Variants in BTK observed in about 807,000 individuals in gnomAD.
The protein encoded by BTK is Bruton tyrosine kinase, also known as tyrosine-protein kinase BTK.
In BTK, 5 loss-of-function variants were observed where a neutral mutation model predicts 57.4. The observed-to-expected ratio is 0.09, with a 90% CI of 0.05 to 0.18. The LOEUF (loss-of-function observed/expected upper bound fraction) is 0.18. Ranked by LOEUF, BTK falls within the 10% of genes least tolerant of loss-of-function variation. The pLI is 1.00. For missense variants in BTK, 194 were observed against 501.2 expected, an observed-to-expected ratio of 0.39 and a Z score of 5.85; for synonymous variants, 154 against 174.3, an observed-to-expected ratio of 0.88 and a Z score of 0.92.
chrX:101,352,762 G>A (rs2057241944), intron 18 of BTK, among the ~76,000 whole-genome samples: 1 of 111,011 alleles, frequency 9.0e-6, no homozygotes, highest in Non-Finnish European at 1.9e-5. Context: ...AGCTGGGCAC[G>A]GTGGCATGTG....
rs1927163723 is a variant in BTK, at chrX:101,375,088, T to A, written c.141+56A>T. On this transcript the variant is annotated intron_variant, in intron 2 of 18. Transcript: ENST00000308731. ...AAATTTACCTCTTCCCCAAGAAAGA[T>A]CTAAGGCCAAGTCCTTGATATCTTG... 2.5e-6 allele frequency: 3 copies of A among 1,202,805 alleles called. No homozygotes were observed. The Admixed American group carries it at 6.5e-5, about 26-fold the overall frequency.
intron 12 of BTK, 116 bp downstream of exon 12, chrX:101,358,194 T>G (rs782343589): frequency 9.1e-5 from 99 of 1,086,912 alleles, no homozygotes; most frequent in Non-Finnish European, 1.2e-4. Context: ...CACAGGGATT[T>G]CCTTTCACAG....
intron 13 of BTK, 118 bp from the exon 14 acceptor site, chrX:101,357,073 T>A: frequency 2.6e-6 from 2 of 765,283 alleles, no homozygotes; most frequent in Non-Finnish European, 4.0e-6. Context: ...TTTTTAGAAG[T>A]ACTAATCTGT....
At position 101,360,619 on chromosome X, in the gene BTK, A is replaced by C; in HGVS notation, c.725T>G (p.Phe242Cys). Reference sequence around the variant, plus strand: ...TGGTAAGTTGCTTTCCTCCAAGATAAAATATTCATCACCCTTCCGCAGCTG... The same window carrying C: ...TGGTAAGTTGCTTTCCTCCAAGATACAATATTCATCACCCTTCCGCAGCTG... ...DLQLRKGDEY[F>C]ILEESNLPWW... is the part of the protein sequence containing the mutation. The change falls in exon 8 of 19, where the codon TTT becomes TGT. Residue 242 changes from phenylalanine (F) to cysteine (C), a missense_variant. Phe to Cys is a radical substitution (Grantham distance 205). Transcript: ENST00000308731. 1 of 1,211,574 alleles carries C rather than the reference A, an allele frequency of 8.3e-7. No individual in the cohort carries two copies. The highest frequency in any genetic ancestry group is 1.1e-6 in the Non-Finnish European group (1 of 895,461).
chrX:101,371,851 G>A, intron 3 of BTK, 150 bp from the exon 4 acceptor site: 1 of 501,614 alleles, frequency 2.0e-6, no homozygotes, highest in Non-Finnish European at 3.5e-6. Flanking sequence ...TAGGCCAATA[G>A]GGACACATAT....
At chrX:101,390,062 C>G (rs1248606943), upstream of BTK, among the ~76,000 whole-genome samples, 1 of 112,013 alleles carries the variant, frequency 8.9e-6, no homozygotes, top group African/African-American at 3.2e-5. Context: ...CCTAGATTCA[C>G]TAAATACCGT....
chrX:101,388,414 G>T (rs1286594604), upstream of BTK, among the ~76,000 whole-genome samples: 3 of 112,168 alleles, frequency 2.7e-5, no homozygotes, highest in African/African-American at 9.7e-5. Flanking sequence ...ACAGCTGAGT[G>T]TCACCTGAAG....
At chrX:101,357,657 C>G (rs1339425521) in intron 12 of BTK, 74 bp from the exon 13 acceptor site, 1 of 818,421 alleles carries the variant, frequency 1.2e-6, no homozygotes, top group Admixed American at 2.2e-5. Context: ...TCACTTAAAG[C>G]CTCACACTTC....
At chrX:101,353,431 A>G in intron 17 of BTK, 80 bp from the exon 18 acceptor site, 1 of 1,022,344 alleles carries the variant, frequency 9.8e-7, no homozygotes, top group Non-Finnish European at 1.4e-6. Context: ...GATCAACCTC[A>G]AAGATTAGAA....
At chrX:101,371,802 C>G (rs979660510) in intron 3 of BTK, 101 bp from the exon 4 acceptor site, 11 of 668,693 alleles carry the variant, frequency 1.6e-5, no homozygotes, top group Non-Finnish European at 2.7e-5. Flanking sequence ...AGAAGTTTCT[C>G]CTGCACAGAC....
In BTK at chrX:101,349,850, G is replaced by A. The variant is rs782487159; in HGVS notation, c.*35C>T. 12 of 1,145,568 alleles carry A rather than the reference G, an allele frequency of 1.0e-5. No homozygotes were observed. The highest frequency in any genetic ancestry group is 1.4e-5 in the Non-Finnish European group (12 of 835,987). 94.4% of individuals were successfully genotyped at this position (1,145,568 alleles called of 1,213,427 possible). On this transcript the variant is annotated 3_prime_UTR_variant, in exon 19 of 19. Transcript: ENST00000308731. ...AGAAAGTGAAATTGGGGCTTGTGGAGAAGAGAAGTAGAACCAAGAAGCTTA... is the reference window on the plus strand; with the variant it reads ...AGAAAGTGAAATTGGGGCTTGTGGAAAAGAGAAGTAGAACCAAGAAGCTTA...
At chrX:101,387,165 A>AT (rs782638485), upstream of BTK, among the ~76,000 whole-genome samples, 929 of 109,608 alleles carry the variant, frequency 8.5e-3, 5 homozygotes, top group African/African-American at 0.029. Flanking sequence ...ACAGGACCTT[A>AT]TTTTTTTTTC....
chrX:101,364,959 CTCGAACT>C (rs1261723830), intron 5 of BTK, among the ~76,000 whole-genome samples: 74 of 111,342 alleles, frequency 6.6e-4, no homozygotes, highest in African/African-American at 2.3e-3. Flanking sequence ...CCAGGATGGT[CTCGAACT>C]TCTGACCTCG....
At chrX:101,385,877 C>T (rs1438258235) in intron 1 of BTK, among the ~76,000 whole-genome samples, 185 bp downstream of exon 1, 1 of 111,519 alleles carries the variant, frequency 9.0e-6, no homozygotes, top group African/African-American at 3.3e-5. Flanking sequence ...CGGAAAGGAC[C>T]CTTTCGGCCT....
chrX:101,380,741 G>A (rs1383275327), intron 1 of BTK, among the ~76,000 whole-genome samples: 3 of 110,542 alleles, frequency 2.7e-5, no homozygotes, highest in Non-Finnish European at 5.7e-5. Flanking sequence ...GGCCAGGTGC[G>A]GTAACTCAGG....
Position 101,362,613 on chromosome X carries a change from A to C in BTK, c.468T>G (p.Ser156=). The C allele has an allele frequency of 8.3e-7, 1 of 1,211,946 alleles. No homozygotes were observed. Among genetic ancestry groups the C allele is most frequent in the Non-Finnish European group, 1.1e-6 (1 of 895,459 alleles). The part of the protein sequence containing the change: ...FWIDGQYLCC[S]QTAKNAMGCQ... ...AGCCCATAGCATTTTTGGCTGTCTG[A>C]GAGCAGCAGAGATACTGCCCATCGA... is the stretch of plus-strand genomic sequence containing the variant. Residue 156 remains serine, a synonymous_variant, in exon 6 of 19, where the codon TCT becomes TCG. Transcript: ENST00000308731.
At chrX:101,355,915 G>T in intron 15 of BTK, 137 bp downstream of exon 15, 2 of 667,433 alleles carry the variant, frequency 3.0e-6, no homozygotes, top group Non-Finnish European at 4.9e-6. Context: ...GCAGAGGCAC[G>T]CCTAACTTAT....
chrX:101,365,278 T>A (rs183934354), intron 5 of BTK, among the ~76,000 whole-genome samples: 1 of 111,719 alleles, frequency 9.0e-6, no homozygotes, highest in East Asian at 2.8e-4. Flanking sequence ...CCAGTAGACA[T>A]GCCAAAGAAT....
chrX:101,365,949 A>G (rs1396810966), intron 5 of BTK, among the ~76,000 whole-genome samples: 1 of 112,338 alleles, frequency 8.9e-6, no homozygotes, highest in African/African-American at 3.2e-5. Context: ...ACCATTGAGA[A>G]AATGTGGCAG....
Sources: allele counts gnomAD v4.1 joint callset (sites outside exome capture counted in the v4.1 genomes callset), GRCh38; gene constraint gnomAD v4.1.1; transcripts MANE v1.5; gene names NCBI Gene and HGNC (gene_info 2026-07-23, HGNC 2026-07-21).